ALK: variants seen among roughly 807,000 people sequenced by gnomAD.
The protein encoded by ALK is ALK receptor tyrosine kinase, also known as ALK tyrosine kinase receptor.
Under a neutral mutation model 163.1 loss-of-function variants are expected in ALK, and 74 were observed. The ratio of observed to expected loss-of-function variants is 0.45; its 90% CI spans 0.38 to 0.55. The LOEUF (loss-of-function observed/expected upper bound fraction) is 0.55. ALK is among the 20% of genes least tolerant of loss of function. The probability of loss-of-function intolerance (pLI) is 0.00; values close to 1 mark genes in which losing one functional copy is unlikely to be tolerated. For synonymous variants in ALK, 960 were observed against 843.2 expected (o/e 1.14, Z -2.40); for missense variants, 2,063 against 2,105.3 (o/e 0.98, Z 0.39).
intron 3 of ALK, among the ~76,000 whole-genome samples, chr2:29,653,974 A>C (rs149193873): frequency 0.018 from 2,795 of 152,154 alleles, 87 homozygotes; most frequent in African/African-American, 0.064. Flanking sequence ...CATGAGAATC[A>C]TTTGAACCCA....
At chr2:29,491,857 C>A (rs546061473) in intron 4 of ALK, among the ~76,000 whole-genome samples, 1 of 152,280 alleles carries the variant, frequency 6.6e-6, no homozygotes, top group African/African-American at 2.4e-5. Context: ...CAGGCCTTCT[C>A]TTCTTCTAAG....
intron 3 of ALK, among the ~76,000 whole-genome samples, chr2:29,653,091 G>A (rs975050520): frequency 1.3e-5 from 2 of 152,086 alleles, no homozygotes; most frequent in African/African-American, 4.8e-5. Context: ...GCTGTCTCCA[G>A]GTAGATAGTG....
At chr2:29,816,651 G>A (rs1473162111) in intron 1 of ALK, among the ~76,000 whole-genome samples, 1 of 152,218 alleles carries the variant, frequency 6.6e-6, no homozygotes, top group Admixed American at 6.5e-5. Context: ...TGGAAGGAAA[G>A]TCTGGGCCAC....
At chr2:29,808,446 C>T (rs774088281) in intron 1 of ALK, among the ~76,000 whole-genome samples, 2 of 152,186 alleles carry the variant, frequency 1.3e-5, no homozygotes, top group Non-Finnish European at 2.9e-5. Context: ...AAACCCAGAG[C>T]CAACTGATCC....
chr2:29,779,288 C>A (rs1450514874), intron 1 of ALK, among the ~76,000 whole-genome samples: 1 of 152,178 alleles, frequency 6.6e-6, no homozygotes, highest in African/African-American at 2.4e-5. Flanking sequence ...GCTCTGTGCT[C>A]CAAGAGCCTC....
intron 1 of ALK, among the ~76,000 whole-genome samples, chr2:29,723,292 C>T (rs1679473250): frequency 6.6e-6 from 1 of 152,204 alleles, no homozygotes; most frequent in Non-Finnish European, 1.5e-5. Context: ...GCAGTTCTCT[C>T]AGCCGAGGAA....
chr2:29,702,864 T>A (rs1375743467), intron 2 of ALK, among the ~76,000 whole-genome samples: 2 of 152,216 alleles, frequency 1.3e-5, no homozygotes, highest in Non-Finnish European at 2.9e-5. Context: ...TACGTCCCAC[T>A]GGGTCTGTCC....
chr2:29,467,242 G>GA (rs11358247), intron 4 of ALK, among the ~76,000 whole-genome samples: 51 of 144,258 alleles, frequency 3.5e-4, no homozygotes, highest in Admixed American at 9.0e-4. Flanking sequence ...ATTGATAACA[G>GA]AAAAAAAAAA....
At chr2:29,305,703 C>T (rs1431100833) in intron 8 of ALK, among the ~76,000 whole-genome samples, 1 of 152,190 alleles carries the variant, frequency 6.6e-6, no homozygotes, top group Non-Finnish European at 1.5e-5. Flanking sequence ...GGGTGGCCTA[C>T]AGCAGAGGTC....
intron 3 of ALK, among the ~76,000 whole-genome samples, chr2:29,629,498 C>G (rs1676295592): frequency 1.3e-5 from 2 of 152,118 alleles, no homozygotes; most frequent in Non-Finnish European, 2.9e-5. Context: ...GAGTTTTCCT[C>G]TAGGATTTTT....
chr2:29,761,038 G>C (rs1408261907), intron 1 of ALK, among the ~76,000 whole-genome samples: 1 of 152,126 alleles, frequency 6.6e-6, no homozygotes, highest in Non-Finnish European at 1.5e-5. Flanking sequence ...TGCCTGCCTG[G>C]GGACATAGAG....
chr2:29,209,640 T>C (rs1277151660), intron 25 of ALK, 146 bp downstream of exon 25: 3 of 592,774 alleles, frequency 5.1e-6, no homozygotes, highest in Non-Finnish European at 9.1e-6. Flanking sequence ...AGGTTTCCCA[T>C]AGCCTGAAAA....
intron 15 of ALK, among the ~76,000 whole-genome samples, chr2:29,232,000 G>A (rs1664222361): frequency 6.6e-6 from 1 of 152,118 alleles, no homozygotes; most frequent in Non-Finnish European, 1.5e-5. Flanking sequence ...TGCCCCTGGA[G>A]GAAGAAGGAA....
At chr2:29,663,462 G>A (rs192155558) in intron 3 of ALK, among the ~76,000 whole-genome samples, 9 of 151,936 alleles carry the variant, frequency 5.9e-5, no homozygotes, top group East Asian at 3.9e-4. Flanking sequence ...TCTCTCTCCC[G>A]GATTCTTTCA....
chr2:29,525,768 G>A (rs973655294), intron 4 of ALK, among the ~76,000 whole-genome samples: 5 of 140,292 alleles, frequency 3.6e-5, no homozygotes, highest in Non-Finnish European at 6.0e-5. Context: ...TCCAGCCTGG[G>A]TGACAAGAGC....
chr2:29,382,619 T>G (rs1011771228), intron 5 of ALK, among the ~76,000 whole-genome samples: 8 of 152,222 alleles, frequency 5.3e-5, no homozygotes, highest in Non-Finnish European at 1.2e-4. Context: ...GTATGGTACA[T>G]AGATCCTTGA....
At chr2:29,376,691 G>A (rs1031740790) in intron 5 of ALK, among the ~76,000 whole-genome samples, 6 of 152,222 alleles carry the variant, frequency 3.9e-5, no homozygotes, top group South Asian at 2.1e-4. Flanking sequence ...CTGCTGAGGC[G>A]TTGCTTGCTG....
intron 1 of ALK, among the ~76,000 whole-genome samples, chr2:29,757,986 C>T (rs1160622877): frequency 6.7e-6 from 1 of 149,812 alleles, no homozygotes; most frequent in Non-Finnish European, 1.5e-5. Flanking sequence ...AGATGATATT[C>T]ACACCTTACC....
chr2:29,581,331 T>A (rs1191004355), intron 3 of ALK, among the ~76,000 whole-genome samples: 1 of 152,062 alleles, frequency 6.6e-6, no homozygotes, highest in African/African-American at 2.4e-5. Flanking sequence ...GAGGTTGCAG[T>A]GAGCCGAGAT....
Sources: gnomAD v4.1 joint callset for allele counts (sites outside exome capture counted in the v4.1 genomes callset) on GRCh38, gnomAD v4.1.1 for gene constraint, MANE v1.5 for transcripts, NCBI Gene and HGNC (gene_info 2026-07-23, HGNC 2026-07-21) for gene names.